Variants in ITFG1 observed in about 807,000 individuals in gnomAD.
The protein encoded by ITFG1 is integrin alpha FG-GAP repeat containing 1.
In ITFG1, 34 loss-of-function variants were observed where a neutral mutation model predicts 81.8. That is an observed-to-expected ratio of 0.42 (90% CI 0.32 to 0.55). ITFG1 has a LOEUF of 0.55. ITFG1 is among the 20% of genes least tolerant of loss of function. The pLI, the probability that ITFG1 is intolerant of heterozygous loss-of-function variation, is 0.17. For synonymous variants in ITFG1, 285 were observed against 270.6 expected, an observed-to-expected ratio of 1.05 and a Z score of -0.52; for missense variants, 672 against 755.4, an observed-to-expected ratio of 0.89 and a Z score of 1.29.
chr16:47,191,843 G>A (rs1324500070), intron 14 of ITFG1, among the ~76,000 whole-genome samples: 1 of 152,042 alleles, frequency 6.6e-6, no homozygotes, highest in African/African-American at 2.4e-5. Flanking sequence ...ACAGGGTCTT[G>A]GTCTGTCATC....
chr16:47,331,013 A>C (rs1294374502), intron 8 of ITFG1, among the ~76,000 whole-genome samples: 1 of 152,220 alleles, frequency 6.6e-6, no homozygotes, highest in Non-Finnish European at 1.5e-5. Flanking sequence ...CCAAAAAGAC[A>C]TCTGCACTTG....
chr16:47,167,775 T>C (rs1021878851), intron 14 of ITFG1, among the ~76,000 whole-genome samples: 24 of 152,176 alleles, frequency 1.6e-4, no homozygotes, highest in African/African-American at 5.1e-4. Context: ...TATGGAAAAA[T>C]AATATTCCAT....
chr16:47,234,230 A>G (rs148951324), intron 13 of ITFG1, among the ~76,000 whole-genome samples: 2 of 152,374 alleles, frequency 1.3e-5, no homozygotes, highest in African/African-American at 4.8e-5. Flanking sequence ...AACTATGATT[A>G]ACATGCTAAG....
intron 7 of ITFG1, among the ~76,000 whole-genome samples, chr16:47,375,651 T>TA (rs1968314796): frequency 6.6e-6 from 1 of 152,258 alleles, no homozygotes; most frequent in South Asian, 2.1e-4. Context: ...CTGATTGGTT[T>TA]AATTGGCAGT....
chr16:47,221,977 T>C (rs1407401372), intron 13 of ITFG1, among the ~76,000 whole-genome samples: 2 of 152,186 alleles, frequency 1.3e-5, no homozygotes, highest in African/African-American at 4.8e-5. Context: ...TTCTCTCTTT[T>C]TTTCTTTATT....
At chr16:47,366,543 C>T (rs1166955868) in intron 7 of ITFG1, among the ~76,000 whole-genome samples, 1 of 152,186 alleles carries the variant, frequency 6.6e-6, no homozygotes, top group Non-Finnish European at 1.5e-5. Flanking sequence ...ACAAAAACAG[C>T]ACACATCTGA....
chr16:47,282,233 A>G (rs890057214), intron 10 of ITFG1, among the ~76,000 whole-genome samples: 7 of 151,914 alleles, frequency 4.6e-5, no homozygotes, highest in African/African-American at 1.7e-4. Context: ...GTACCCATTA[A>G]GTAATTTCTC....
At position 47,221,798 on chromosome 16, in the gene ITFG1, C is replaced by T. The variant is rs779935382; in HGVS notation, c.1375-2852G>A. On this transcript the variant is annotated intron_variant, in intron 13 of 17. Coordinates refer to ENST00000320640, the MANE Select transcript of ITFG1 (RefSeq NM_030790.5). The stretch of plus-strand genomic sequence containing the variant: ...GTCTATTCAGAGATTCAAGTTCTTC[C>T]TGGTTTAGTCTTGGGAGAGTGTATG... Among the ~76,000 whole-genome samples the T allele has an allele frequency of 9.7e-4, 148 of 152,282 alleles. 1 individual carries two copies. The highest frequency in any genetic ancestry group is 1.4e-3 in the Non-Finnish European group (93 of 68,024).
intron 6 of ITFG1, among the ~76,000 whole-genome samples, chr16:47,397,329 G>T (rs1447522812): frequency 6.6e-6 from 1 of 152,162 alleles, no homozygotes; most frequent in Non-Finnish European, 1.5e-5. Flanking sequence ...TCAGGGATGG[G>T]TAAGTTAGGA....
At chr16:47,387,682 T>G (rs1056042512) in intron 6 of ITFG1, among the ~76,000 whole-genome samples, 1 of 152,212 alleles carries the variant, frequency 6.6e-6, no homozygotes, top group Non-Finnish European at 1.5e-5. Context: ...TTTATGTGAT[T>G]GATAAACCTT....
chr16:47,405,041 T>C (rs1754669886), intron 6 of ITFG1, among the ~76,000 whole-genome samples: 1 of 152,192 alleles, frequency 6.6e-6, no homozygotes, highest in Admixed American at 6.5e-5. Flanking sequence ...ATATAATATA[T>C]GTCACAAATA....
At chr16:47,235,724 T>C (rs1025079771) in intron 13 of ITFG1, among the ~76,000 whole-genome samples, 5 of 152,236 alleles carry the variant, frequency 3.3e-5, no homozygotes, top group Non-Finnish European at 5.9e-5. Flanking sequence ...ATTTTCTCTC[T>C]CAGTTTCACA....
chr16:47,188,317 T>C (rs1965250062), intron 14 of ITFG1, among the ~76,000 whole-genome samples: 1 of 152,096 alleles, frequency 6.6e-6, no homozygotes, highest in Admixed American at 6.5e-5. Flanking sequence ...TGTGCACGTA[T>C]GTTTATTGCG....
At chr16:47,337,597 A>T (rs1967724000) in intron 8 of ITFG1, among the ~76,000 whole-genome samples, 1 of 152,188 alleles carries the variant, frequency 6.6e-6, no homozygotes, top group African/African-American at 2.4e-5. Flanking sequence ...AAAGAATCAC[A>T]ATGCATGGCT....
chr16:47,161,501 A>G (rs2151506379), intron 16 of ITFG1: 1 of 290,122 alleles, frequency 3.4e-6, no homozygotes, highest in South Asian at 9.7e-5. Context: ...TTATTTAAGC[A>G]GAATACATAT....
intron 8 of ITFG1, among the ~76,000 whole-genome samples, chr16:47,346,439 C>T (rs1376993654): frequency 6.6e-6 from 1 of 152,094 alleles, no homozygotes; most frequent in Non-Finnish European, 1.5e-5. Flanking sequence ...AGAGGGATGA[C>T]TACAGCAATA....
intron 13 of ITFG1, 135 bp downstream of exon 13, chr16:47,237,830 C>T (rs995193992): frequency 1.8e-6 from 1 of 553,914 alleles, no homozygotes; most frequent in Non-Finnish European, 3.2e-6. Context: ...GCACAGTTTT[C>T]TTGAGTAATG....
chr16:47,328,825 A>C (rs575567312), intron 8 of ITFG1, among the ~76,000 whole-genome samples: 1 of 152,198 alleles, frequency 6.6e-6, no homozygotes, highest in Non-Finnish European at 1.5e-5. Context: ...CTATTATGAC[A>C]AACTACTAGC....
intron 10 of ITFG1, among the ~76,000 whole-genome samples, chr16:47,285,821 C>A (rs1966867498): frequency 6.6e-6 from 1 of 152,148 alleles, no homozygotes; most frequent in African/African-American, 2.4e-5. Context: ...ATTTTGTAAA[C>A]ACGCGTTATA....
Sources: allele counts gnomAD v4.1 joint callset (sites outside exome capture counted in the v4.1 genomes callset), GRCh38; gene constraint gnomAD v4.1.1; transcripts MANE v1.5; gene names NCBI Gene and HGNC (gene_info 2026-07-23, HGNC 2026-07-21).